The following PLAG1 variants were observed in gnomAD, a reference collection of about 807,000 sequenced individuals.
PLAG1 encodes PLAG1 zinc finger.
A neutral mutation model predicts 35.5 loss-of-function variants in PLAG1; 7 were observed. That is an observed-to-expected ratio of 0.20 (90% CI 0.11 to 0.37). The LOEUF is 0.37. Ranked by LOEUF, PLAG1 falls within the 10% of genes least tolerant of loss-of-function variation. PLAG1 has a pLI of 1.00. For synonymous variants in PLAG1, 229 were observed against 225.4 expected (o/e 1.02, Z -0.14); for missense variants, 454 against 602.8 (o/e 0.75, Z 2.58).
At chr8:56,172,679 G>C (rs968682097) in intron 2 of PLAG1, among the ~76,000 whole-genome samples, 2 of 152,114 alleles carry the variant, frequency 1.3e-5, no homozygotes, top group Admixed American at 1.3e-4. Flanking sequence ...TGAACAACTT[G>C]ACAGCATATG....
intron 2 of PLAG1, among the ~76,000 whole-genome samples, chr8:56,178,400 CCTAACA>C (rs1442733280): frequency 1.3e-5 from 2 of 151,904 alleles, no homozygotes; most frequent in Admixed American, 1.3e-4. Flanking sequence ...ATCCATAACC[CCTAACA>C]CTAAAGATTT....
chr8:56,166,582 A>C lies in PLAG1; in HGVS notation c.1164T>G (p.Ile388Met), dbSNP rs1811360506. 6.2e-7 allele frequency: 1 copy of C among 1,613,868 alleles called. No individual in the cohort carries two copies. The highest frequency in any genetic ancestry group is 8.5e-7 in the Non-Finnish European group (1 of 1,179,916). ...SSSKLGLDPQ[I>M]GSLDDGAGDL... ...CTCCTGCACCATCATCTAGGGACCC[A>C]ATCTGAGGATCCAACCCTAGCTTAG... Residue 388 changes from isoleucine (I) to methionine (M), a missense_variant, in exon 5 of 5, where the codon ATT becomes ATG. Around this residue, in one of 4 missense-constraint regions of PLAG1, gnomAD observed 271 missense variants for 315.6 expected, o/e 0.86. Transcript: ENST00000316981.
intron 2 of PLAG1, among the ~76,000 whole-genome samples, chr8:56,175,904 G>C (rs1197964159): frequency 1.3e-5 from 2 of 152,142 alleles, no homozygotes; most frequent in Non-Finnish European, 2.9e-5. Context: ...AGAATGAACA[G>C]ATAACCCAAT....
At chr8:56,188,321 T>A (rs1190724241) in intron 1 of PLAG1, among the ~76,000 whole-genome samples, 1 of 152,154 alleles carries the variant, frequency 6.6e-6, no homozygotes, top group Non-Finnish European at 1.5e-5. Flanking sequence ...AAAAAATGAA[T>A]ACTCAACTAA....
At chr8:56,194,364 T>C (rs938703422) in intron 1 of PLAG1, among the ~76,000 whole-genome samples, 11 of 150,048 alleles carry the variant, frequency 7.3e-5, no homozygotes, top group Non-Finnish European at 1.3e-4. Context: ...AGTTAGGCTA[T>C]CAAGTAACTA....
At chr8:56,194,417 G>A (rs1415633083) in intron 1 of PLAG1, among the ~76,000 whole-genome samples, 1 of 152,152 alleles carries the variant, frequency 6.6e-6, no homozygotes, top group Non-Finnish European at 1.5e-5. Flanking sequence ...AATAAAGGTG[G>A]AGAATAAATG....
chr8:56,189,240 C>A (rs13281873), intron 1 of PLAG1, among the ~76,000 whole-genome samples: 21,659 of 152,210 alleles, frequency 0.14, 1,781 homozygotes, highest in Middle Eastern at 0.19. Context: ...AATAACTGGG[C>A]ATTGACACAA....
Position 56,168,173 on chromosome 8 carries a change from T to A in PLAG1, c.97A>T (p.Asn33Tyr). ...TTGTCACACAGTTGGCAAGGAAAGT[T>A]TTTTCTTGGTTTGGTTTCACCACGC... ...RKRGETKPRK[N>Y]FPCQLCDKAF... Residue 33 changes from asparagine to tyrosine, a missense_variant, in exon 4 of 5, where the codon AAC (asparagine) becomes TAC (tyrosine). Asn to Tyr is a moderately radical substitution (Grantham distance 143). This residue lies in a region of PLAG1 where 170 missense variants were observed against 226.3 expected (regional missense o/e 0.75). Transcript: ENST00000316981. The A allele has an allele frequency of 6.2e-7, 1 of 1,613,848 alleles. No individual in the cohort carries two copies. Among genetic ancestry groups the A allele is most frequent in the Non-Finnish European group, 8.5e-7 (1 of 1,179,804 alleles).
At position 56,161,163 on chromosome 8, in the gene PLAG1, CTT is replaced by C. The variant is rs1811186603; in HGVS notation, c.*5078_*5079del. The C allele has an allele frequency of 5.2e-6, 1 of 192,320 alleles. No individual in the cohort carries two copies. The highest frequency in any genetic ancestry group is 6.1e-5 in the Admixed American group (1 of 16,340). 11.9% of individuals were successfully genotyped at this position (192,320 alleles called of 1,614,324 possible). The stretch of plus-strand genomic sequence containing the variant: ...CTTATACACACACAAAAAATATGAT[CTT>C]TGTCTATATTTTATACAAATACAAC... On this transcript the variant is annotated 3_prime_UTR_variant, in exon 5 of 5. Transcript: ENST00000316981.
At chr8:56,175,058 T>C (rs1490950331) in intron 2 of PLAG1, among the ~76,000 whole-genome samples, 1 of 152,214 alleles carries the variant, frequency 6.6e-6, no homozygotes, top group Non-Finnish European at 1.5e-5. Context: ...AAAGATAATG[T>C]AGTATGAACA....
At chr8:56,191,514 T>A (rs1812182889) in intron 1 of PLAG1, among the ~76,000 whole-genome samples, 1 of 152,168 alleles carries the variant, frequency 6.6e-6, no homozygotes. Flanking sequence ...CACTGTAATT[T>A]CAGAGCACTT....
At chr8:56,207,013 C>CA (rs1812719476) in intron 1 of PLAG1, among the ~76,000 whole-genome samples, 1 of 151,876 alleles carries the variant, frequency 6.6e-6, no homozygotes, top group Non-Finnish European at 1.5e-5. Context: ...CTTGCAAACA[C>CA]ACCAAAAAGA....
In PLAG1 at chr8:56,161,894, GT is replaced by G. The variant is rs1811211697; in HGVS notation, c.*4348del. ...ACCACTGAAGCTTATATAATGAAGT[GT>G]TTTATACATTAGCAATAGTTCTGTG... On this transcript the variant is annotated 3_prime_UTR_variant, in exon 5 of 5. Coordinates refer to ENST00000316981, the MANE Select transcript of PLAG1 (RefSeq NM_002655.3). 1 of 227,452 alleles carries G rather than the reference GT, an allele frequency of 4.4e-6. No individual in the cohort carries two copies. The highest frequency in any genetic ancestry group is 8.8e-6 in the Non-Finnish European group (1 of 114,194). 14.1% of individuals were successfully genotyped at this position (227,452 alleles called of 1,614,324 possible).
intron 1 of PLAG1, among the ~76,000 whole-genome samples, chr8:56,202,676 A>T (rs2129234753): frequency 6.6e-6 from 1 of 152,354 alleles, no homozygotes; most frequent in South Asian, 2.1e-4. Context: ...AATTAAATTC[A>T]AGCACCACAT....
chr8:56,163,696 C>T lies in PLAG1; in HGVS notation c.*2547G>A. On this transcript the variant is annotated 3_prime_UTR_variant, in exon 5 of 5. Transcript: ENST00000316981. ...GTGTATATATACACACACACACACACACATACACATACATACATATATGGC... is the reference window on the plus strand; with the variant it reads ...GTGTATATATACACACACACACACATACATACACATACATACATATATGGC... 1 of 190,582 alleles carries T rather than the reference C, an allele frequency of 5.2e-6. No homozygotes were observed. Among genetic ancestry groups the T allele is most frequent in the Non-Finnish European group, 1.1e-5 (1 of 90,770 alleles). The allele number at this position is 190,582 out of a possible 1,614,324, so 11.8% of individuals were successfully genotyped here.
rs1309523141 is a variant in PLAG1, at chr8:56,176,046, C to CTTTTTT, written c.-217+3357_-217+3362dup. On this transcript the variant is annotated intron_variant, in intron 2 of 4. Coordinates refer to ENST00000316981, the MANE Select transcript of PLAG1 (RefSeq NM_002655.3). ...CTTTTGAAAACTCCCTTTTCCTTTT[C>CTTTTTT]TTTTTTTTTTTTTTTTTGAGACAGG... is the stretch of plus-strand genomic sequence containing the variant. Among the ~76,000 whole-genome samples, 45 of 130,052 alleles carry CTTTTTT rather than the reference C, an allele frequency of 3.5e-4. 1 individual carries two copies. Among genetic ancestry groups the CTTTTTT allele is most frequent in the Non-Finnish European group, 5.1e-4 (31 of 61,202 alleles). 85.3% of individuals were successfully genotyped at this position (130,052 alleles called of 152,430 possible). A position where few individuals can be genotyped will look rare whatever the true frequency, so the allele number is the denominator to read the frequency against.
chr8:56,176,935 C>G (rs73682450), intron 2 of PLAG1, among the ~76,000 whole-genome samples: 1 of 152,098 alleles, frequency 6.6e-6, no homozygotes, highest in African/African-American at 2.4e-5. Flanking sequence ...CTATTAAAAT[C>G]GCAAATACAG....
chr8:56,206,616 T>G (rs1298135624), intron 1 of PLAG1, among the ~76,000 whole-genome samples: 1 of 152,036 alleles, frequency 6.6e-6, no homozygotes, highest in Non-Finnish European at 1.5e-5. Flanking sequence ...AGCTAATCAA[T>G]CTGATTTACC....
chr8:56,199,864 G>C (rs1812499828), intron 1 of PLAG1, among the ~76,000 whole-genome samples: 1 of 152,218 alleles, frequency 6.6e-6, no homozygotes, highest in African/African-American at 2.4e-5. Context: ...GAGAACATTA[G>C]ATGTTGAGAA....
Sources: allele counts gnomAD v4.1 joint callset (sites outside exome capture counted in the v4.1 genomes callset), GRCh38; gene constraint gnomAD v4.1.1; regional missense constraint gnomAD v4.1.1; transcripts MANE v1.5; gene names NCBI Gene and HGNC (gene_info 2026-07-23, HGNC 2026-07-21).